DNAI3: variants seen among roughly 807,000 people sequenced by gnomAD.
The protein encoded by DNAI3 is dynein axonemal intermediate chain 3, also known as WD repeat domain 63.
Under a neutral mutation model 115.5 loss-of-function variants are expected in DNAI3, and 83 were observed. The ratio of observed to expected loss-of-function variants is 0.72; its 90% CI spans 0.60 to 0.86. The LOEUF (loss-of-function observed/expected upper bound fraction) is 0.86. Ranked by LOEUF, DNAI3 falls within the 40% of genes least tolerant of loss-of-function variation. The pLI is 0.00. For missense variants in DNAI3, 1,004 were observed against 1,075.8 expected (o/e 0.93, Z 0.93); for synonymous variants, 320 against 347.0 (o/e 0.92, Z 0.86).
At chr1:85,070,867 C>T in intron 1 of DNAI3, among the ~76,000 whole-genome samples, 1 of 51,114 alleles carries the variant, frequency 2.0e-5, no homozygotes, top group South Asian at 1.1e-3. Flanking sequence ...TTATTTTTAT[C>T]ATTTAAAAAA....
intron 16 of DNAI3, among the ~76,000 whole-genome samples, chr1:85,111,704 G>T (rs900745894): frequency 2.6e-5 from 4 of 152,158 alleles, no homozygotes; most frequent in Admixed American, 2.6e-4. Flanking sequence ...AGGAGGATGA[G>T]ACTACCTTTA....
At chr1:85,129,861 A>G (rs969311883) in intron 21 of DNAI3, 129 bp from the exon 22 acceptor site, 9 of 986,376 alleles carry the variant, frequency 9.1e-6, no homozygotes, top group Non-Finnish European at 1.3e-5. Context: ...ATAATGATCA[A>G]GTAGATTAGG....
intron 20 of DNAI3, 39 bp downstream of exon 20, chr1:85,126,754 G>T: frequency 6.2e-7 from 1 of 1,609,840 alleles, no homozygotes; most frequent in Admixed American, 1.7e-5. Context: ...GTCATTTTGG[G>T]TAACTCGGGA....
intron 14 of DNAI3, among the ~76,000 whole-genome samples, chr1:85,106,574 C>A (rs544855563): frequency 1.3e-4 from 20 of 152,282 alleles, no homozygotes; most frequent in African/African-American, 4.6e-4. Flanking sequence ...ATAGCCAAAA[C>A]AATCTTGTCA....
At chr1:85,069,779 T>A (rs1404220358) in intron 1 of DNAI3, among the ~76,000 whole-genome samples, 1 of 151,980 alleles carries the variant, frequency 6.6e-6, no homozygotes, top group Non-Finnish European at 1.5e-5. Flanking sequence ...GGATAGCATA[T>A]GGAGAAGGGG....
chr1:85,074,941 C>T (rs1397087170), intron 3 of DNAI3, among the ~76,000 whole-genome samples: 1 of 152,224 alleles, frequency 6.6e-6, no homozygotes, highest in African/African-American at 2.4e-5. Flanking sequence ...GTTGTGTTCC[C>T]TCTTGCTCCT....
intron 10 of DNAI3, among the ~76,000 whole-genome samples, chr1:85,095,439 C>A (rs561680629): frequency 6.6e-6 from 1 of 152,238 alleles, no homozygotes; most frequent in African/African-American, 2.4e-5. Flanking sequence ...AGATCTCTAG[C>A]CCTTTCTTGT....
At chr1:85,069,543 G>A (rs1359449930) in intron 1 of DNAI3, among the ~76,000 whole-genome samples, 1 of 151,976 alleles carries the variant, frequency 6.6e-6, no homozygotes, top group Non-Finnish European at 1.5e-5. Flanking sequence ...GGTGGTGATG[G>A]TGTGTGCGTG....
At chr1:85,132,240 A>G (rs1005248152) in intron 22 of DNAI3, among the ~76,000 whole-genome samples, 1 of 152,268 alleles carries the variant, frequency 6.6e-6, no homozygotes, top group Non-Finnish European at 1.5e-5. Context: ...GGCACATAGA[A>G]AGTGTTCACA....
At position 85,085,886 on chromosome 1, in the gene DNAI3, G is replaced by A. The variant is rs778995184; in HGVS notation, c.596G>A (p.Ser199Asn). Reference protein sequence around the residue: ...RSEFGAPIKFSDQNASSVKDA... With the variant: ...RSEFGAPIKFNDQNASSVKDA... ...GAATTTGGTGCACCAATTAAGTTCAGTGACCAGAATGCTTCCAGTGTAAAA... is the reference window on the plus strand; with the variant it reads ...GAATTTGGTGCACCAATTAAGTTCAATGACCAGAATGCTTCCAGTGTAAAA... Residue 199 changes from serine (S) to asparagine (N), a missense_variant, in exon 7 of 23, where the codon AGT becomes AAT. Coordinates refer to ENST00000294664, the MANE Select transcript of DNAI3 (RefSeq NM_145172.5). 6.2e-7 allele frequency: 1 copy of A among 1,614,188 alleles called. No homozygotes were observed. Among genetic ancestry groups the A allele is most frequent in the South Asian group, 1.1e-5 (1 of 91,084 alleles).
At chr1:85,099,163 T>C (rs1380406345) in intron 13 of DNAI3, 1 of 807,874 alleles carries the variant, frequency 1.2e-6, no homozygotes, top group Non-Finnish European at 1.5e-6. Flanking sequence ...TTTATGGTTG[T>C]ACACTTACTT....
intron 19 of DNAI3, among the ~76,000 whole-genome samples, chr1:85,125,249 TATATGTATATATGC>T (rs1205889238): frequency 6.6e-6 from 1 of 152,100 alleles, no homozygotes; most frequent in Non-Finnish European, 1.5e-5. Context: ...GCATATAATA[TATATGTATATATGC>T]ATATGTGTAT....
chr1:85,132,220 G>A (rs1241437104), intron 22 of DNAI3, among the ~76,000 whole-genome samples: 1 of 152,230 alleles, frequency 6.6e-6, no homozygotes, highest in Non-Finnish European at 1.5e-5. Flanking sequence ...ACAGCACTTA[G>A]CCAATAACTG....
At chr1:85,113,057 C>T (rs72720588) in intron 16 of DNAI3, among the ~76,000 whole-genome samples, 1,810 of 152,298 alleles carry the variant, frequency 0.012, 19 homozygotes, top group Non-Finnish European at 0.017. Context: ...ATGTGAGCCA[C>T]CACATCTGGC....
Position 85,082,294 on chromosome 1 carries a change from T to C in DNAI3, c.286-6T>C, listed in dbSNP as rs1305719174. ...TTAACTTCCTATCTCAATTATATTC[T>C]TGTAGGAATATCCTGGAAATGAGCT... On this transcript the variant is annotated splice_polypyrimidine_tract_variant and splice_region_variant and intron_variant, in intron 4 of 22. Coordinates refer to ENST00000294664, the MANE Select transcript of DNAI3 (RefSeq NM_145172.5). The C allele has an allele frequency of 1.9e-6, 3 of 1,598,612 alleles. No individual in the cohort carries two copies. The highest frequency in any genetic ancestry group is 1.7e-6 in the Non-Finnish European group (2 of 1,167,094).
At chr1:85,128,921 T>A in intron 21 of DNAI3, 122 bp downstream of exon 21, 1 of 788,556 alleles carries the variant, frequency 1.3e-6, no homozygotes, top group Non-Finnish European at 2.1e-6. Context: ...ACTCATACAG[T>A]AAATAAGAGG....
At chr1:85,067,900 A>G (rs1166224239) in intron 1 of DNAI3, among the ~76,000 whole-genome samples, 1 of 152,242 alleles carries the variant, frequency 6.6e-6, no homozygotes, top group Non-Finnish European at 1.5e-5. Flanking sequence ...GTTTAAGTCC[A>G]GTGAGACCTG....
rs150676249 is a variant in DNAI3, at chr1:85,122,092, A to G, written c.1981+278A>G. On this transcript the variant is annotated intron_variant, in intron 18 of 22. Coordinates refer to ENST00000294664, the MANE Select transcript of DNAI3 (RefSeq NM_145172.5). ...CCAGGGTATTTGTTTTCACACCAAA[A>G]TTTGAGGAGCACTGACCTATATGTT... Among the ~76,000 whole-genome samples, 969 of 152,340 alleles carry G rather than the reference A, an allele frequency of 6.4e-3. 11 individuals are homozygous for G. Among genetic ancestry groups the G allele is most frequent in the African/African-American group, 0.022 (903 of 41,580 alleles).
intron 11 of DNAI3, 81 bp downstream of exon 11, chr1:85,096,101 C>G: frequency 7.7e-7 from 1 of 1,291,288 alleles, no homozygotes; most frequent in Non-Finnish European, 1.1e-6. Context: ...GTTCCTTGGA[C>G]TTAAGGATTC....
Sources: allele counts gnomAD v4.1 joint callset (sites outside exome capture counted in the v4.1 genomes callset), GRCh38; gene constraint gnomAD v4.1.1; transcripts MANE v1.5; gene names NCBI Gene and HGNC (gene_info 2026-07-23, HGNC 2026-07-21).